The following CPPED1 variants were observed in gnomAD, a reference collection of about 807,000 sequenced individuals.
CPPED1 encodes the protein calcineurin like phosphoesterase domain containing 1.
A neutral mutation model predicts 28.0 loss-of-function variants in CPPED1; 28 were observed. The ratio of observed to expected loss-of-function variants is 1.00; its 90% confidence interval spans 0.74 to 1.37. The LOEUF (loss-of-function observed/expected upper bound fraction) is 1.37, where lower values mean the gene tolerates loss of function less well. CPPED1 is among the 40% of genes most tolerant of loss of function. The probability of loss-of-function intolerance (pLI) is 0.00; values close to 1 mark genes in which losing one functional copy is unlikely to be tolerated. For synonymous variants in CPPED1, 198 were observed against 180.2 expected, an observed-to-expected ratio of 1.10 and a Z score of -0.79; for missense variants, 504 against 416.5, an observed-to-expected ratio of 1.21 and a Z score of -1.83.
At chr16:12,706,682 T>C (rs111836155) in intron 2 of CPPED1, among the ~76,000 whole-genome samples, 4,165 of 151,636 alleles carry the variant, frequency 0.027, 190 homozygotes, top group African/African-American at 0.097. Flanking sequence ...CCAGCCTGGA[T>C]CAACTCAGAC....
intron 3 of CPPED1, among the ~76,000 whole-genome samples, chr16:12,695,030 G>A (rs373446768): frequency 1.2e-4 from 19 of 152,006 alleles, no homozygotes; most frequent in East Asian, 3.9e-4. Flanking sequence ...CACCGACCTC[G>A]CCCTCCCAAA....
chr16:12,703,934 G>A (rs1318843997), intron 3 of CPPED1, among the ~76,000 whole-genome samples: 1 of 152,138 alleles, frequency 6.6e-6, no homozygotes, highest in African/African-American at 2.4e-5. Flanking sequence ...TCTTCATTCT[G>A]TGCGTGCACG....
At chr16:12,772,148 A>C (rs563023348) in intron 2 of CPPED1, among the ~76,000 whole-genome samples, 39 of 152,224 alleles carry the variant, frequency 2.6e-4, no homozygotes, top group East Asian at 5.8e-4. Context: ...CAAAACAAAA[A>C]AAAACAAAAT....
intron 2 of CPPED1, among the ~76,000 whole-genome samples, chr16:12,739,462 T>A (rs1469430070): frequency 6.6e-6 from 1 of 152,022 alleles, no homozygotes. Flanking sequence ...GCGCCTGTAA[T>A]CCCAGCTACT....
intron 3 of CPPED1, among the ~76,000 whole-genome samples, chr16:12,695,937 TAAAC>T (rs991109834): frequency 1.1e-4 from 17 of 152,206 alleles, no homozygotes; most frequent in Non-Finnish European, 2.2e-4. Flanking sequence ...CTTTAAAAAA[TAAAC>T]AAAGGATCAA....
At chr16:12,767,014 T>C (rs999143696) in intron 2 of CPPED1, among the ~76,000 whole-genome samples, 1 of 150,336 alleles carries the variant, frequency 6.7e-6, no homozygotes, top group Non-Finnish European at 1.5e-5. Context: ...TTTTTTTTTT[T>C]GAGTCATGGA....
intron 2 of CPPED1, among the ~76,000 whole-genome samples, chr16:12,778,170 A>G (rs926765258): frequency 2.0e-5 from 3 of 151,824 alleles, no homozygotes; most frequent in South Asian, 2.1e-4. Context: ...TCGGCCTCCC[A>G]AAGTGCTGGG....
intron 1 of CPPED1, among the ~76,000 whole-genome samples, chr16:12,794,350 A>G (rs181411700): frequency 1.3e-5 from 2 of 152,284 alleles, no homozygotes; most frequent in East Asian, 3.9e-4. Context: ...AAAGAAGCCC[A>G]AAGTGGTAAA....
intron 1 of CPPED1, among the ~76,000 whole-genome samples, chr16:12,791,293 C>T (rs1261869211): frequency 1.3e-5 from 2 of 152,076 alleles, no homozygotes; most frequent in Non-Finnish European, 1.5e-5. Flanking sequence ...TCAACTCCTG[C>T]TTATGAGTGA....
At chr16:12,759,049 G>C (rs1379758780) in intron 2 of CPPED1, among the ~76,000 whole-genome samples, 1 of 150,966 alleles carries the variant, frequency 6.6e-6, no homozygotes, top group Non-Finnish European at 1.5e-5. Context: ...TGCAGTCCCA[G>C]CTACTCAGGG....
chr16:12,688,095 T>C (rs980046418), intron 3 of CPPED1, among the ~76,000 whole-genome samples: 6 of 151,000 alleles, frequency 4.0e-5, no homozygotes, highest in African/African-American at 7.3e-5. Context: ...AGTGGTGCGA[T>C]CATGGTTTAC....
In CPPED1 at chr16:12,738,106, G is replaced by A. The variant is rs763902381; in HGVS notation, c.290-33057C>T. Among the ~76,000 whole-genome samples, 57 of 152,194 alleles carry A rather than the reference G, an allele frequency of 3.7e-4. 1 individual carries two copies. The highest frequency in any genetic ancestry group is 8.3e-4 in the South Asian group (4 of 4,830). ...GAAAATGTTAAGAATTCATGTATCC[G>A]GGAGATAATCCGAATGTGCATCACG... On this transcript the variant is annotated intron_variant, in intron 2 of 3. Coordinates refer to ENST00000381774, the MANE Select transcript of CPPED1 (RefSeq NM_018340.3).
At chr16:12,722,410 T>C (rs1448121210) in intron 2 of CPPED1, among the ~76,000 whole-genome samples, 2 of 152,188 alleles carry the variant, frequency 1.3e-5, no homozygotes, top group East Asian at 3.9e-4. Context: ...TGAGGAAGAA[T>C]TTCCTGCTGG....
chr16:12,781,367 A>T lies in CPPED1; in HGVS notation c.107T>A (p.Ile36Asn), dbSNP rs780100957. Residue 36 changes from isoleucine (I) to asparagine (N), a missense_variant, in exon 2 of 4, where the codon ATC becomes AAC. Ile to Asn is a moderately radical substitution (Grantham distance 149, BLOSUM62 -3). Coordinates refer to ENST00000381774, the MANE Select transcript of CPPED1 (RefSeq NM_018340.3). The stretch of plus-strand genomic sequence containing the variant: ...CCCAAACTGTGGGTCTGCGCCCAGG[A>T]TGAAGTAGAATGGGCCTTTCCATTC... Reference protein sequence around the residue: ...ESEWKGPFYFILGADPQFGLI... With the variant: ...ESEWKGPFYFNLGADPQFGLI... The T allele has an allele frequency of 6.2e-7, 1 of 1,614,164 alleles. No homozygotes were observed.
chr16:12,716,295 A>C (rs1268610886), intron 2 of CPPED1, among the ~76,000 whole-genome samples: 1 of 152,248 alleles, frequency 6.6e-6, no homozygotes, highest in Non-Finnish European at 1.5e-5. Flanking sequence ...TAATCATAGA[A>C]TATTCCATTT....
intron 3 of CPPED1, among the ~76,000 whole-genome samples, chr16:12,668,515 T>G (rs2079837688): frequency 6.6e-6 from 1 of 152,202 alleles, no homozygotes; most frequent in Admixed American, 6.5e-5. Context: ...AATTACCAAC[T>G]TTTGTGCTCC....
chr16:12,786,016 G>A (rs920254669), intron 1 of CPPED1, among the ~76,000 whole-genome samples: 18 of 152,022 alleles, frequency 1.2e-4, no homozygotes, highest in South Asian at 4.1e-4. Flanking sequence ...GAGATTACTC[G>A]GTCAAACAGT....
At chr16:12,669,874 AC>A (rs1253347900) in intron 3 of CPPED1, among the ~76,000 whole-genome samples, 1 of 152,238 alleles carries the variant, frequency 6.6e-6, no homozygotes, top group Non-Finnish European at 1.5e-5. Context: ...GTGCTCAGAA[AC>A]AAAAACCCTG....
intron 2 of CPPED1, chr16:12,757,640 CT>C (rs1366360796): frequency 5.1e-5 from 7 of 137,036 alleles, no homozygotes; most frequent in African/African-American, 1.9e-4. Flanking sequence ...CACTGGGGGC[CT>C]TAGCAGCGTA....
Sources: allele counts gnomAD v4.1 joint callset (sites outside exome capture counted in the v4.1 genomes callset), GRCh38; gene constraint gnomAD v4.1.1; transcripts MANE v1.5; gene names NCBI Gene and HGNC (gene_info 2026-07-23, HGNC 2026-07-21).